The following UTRN variants were observed in gnomAD, a reference collection of about 807,000 sequenced individuals.
UTRN encodes dystrophin-related protein 1.
A neutral mutation model predicts 463.9 loss-of-function variants in UTRN; 283 were observed. The observed-to-expected ratio is 0.61, with a 90% CI of 0.55 to 0.67. UTRN has a LOEUF of 0.67. UTRN is among the 30% of genes least tolerant of loss of function. UTRN has a pLI of 0.00. For missense variants in UTRN, 3,922 were observed against 4,084.3 expected, an observed-to-expected ratio of 0.96 and a Z score of 1.08; for synonymous variants, 1,442 against 1,431.5, an observed-to-expected ratio of 1.01 and a Z score of -0.17.
intron 51 of UTRN, among the ~76,000 whole-genome samples, chr6:144,628,448 A>G (rs779717538): frequency 3.3e-5 from 5 of 152,102 alleles, no homozygotes; most frequent in Non-Finnish European, 7.4e-5. Flanking sequence ...TAAAACTTCC[A>G]CCAGAAACCA....
intron 2 of UTRN, among the ~76,000 whole-genome samples, chr6:144,385,463 A>G (rs1186502375): frequency 6.6e-6 from 1 of 152,248 alleles, no homozygotes; most frequent in Non-Finnish European, 1.5e-5. Context: ...AGCTTATTTC[A>G]GAAAAGCAAA....
At chr6:144,516,416 G>A (rs764487829) in intron 38 of UTRN, 29 bp downstream of exon 38, 1 of 1,590,428 alleles carries the variant, frequency 6.3e-7, no homozygotes, top group East Asian at 2.2e-5. Flanking sequence ...CAAAACCATG[G>A]TGGTCTCATT....
rs1792739431 is a variant in UTRN at position 144,488,833 on chromosome 6, A to C, written c.4133A>C (p.Gln1378Pro). Residue 1378 changes from glutamine (Q) to proline (P), a missense_variant and splice_region_variant, in exon 30 of 75, where the codon CAG becomes CCG. Gln to Pro is a moderately conservative substitution (Grantham distance 76). Coordinates refer to ENST00000367545, the MANE Select transcript of UTRN (RefSeq NM_007124.3). The part of the protein sequence containing the change: ...IDAFQVPQEA[Q>P]KIQAEISAHE... ...GCTTTCCAAGTTCCACAGGAAGCTC[A>C]GGTATTGCCGTGCATTTGAGGGCTT... 6.3e-7 allele frequency: 1 copy of C among 1,591,550 alleles called. No homozygotes were observed. Among genetic ancestry groups the C allele is most frequent in the Admixed American group, 1.7e-5 (1 of 58,410 alleles).
At chr6:144,785,967 T>C (rs1776258609) in intron 61 of UTRN, among the ~76,000 whole-genome samples, 1 of 152,220 alleles carries the variant, frequency 6.6e-6, no homozygotes, top group Non-Finnish European at 1.5e-5. Flanking sequence ...TGTGTTTTTT[T>C]CTACCAAAAA....
intron 51 of UTRN, among the ~76,000 whole-genome samples, chr6:144,636,977 G>A (rs923761604): frequency 6.6e-6 from 1 of 151,880 alleles, no homozygotes; most frequent in Non-Finnish European, 1.5e-5. Flanking sequence ...TTGTTTGTTT[G>A]TTTGTTTTTT....
intron 58 of UTRN, among the ~76,000 whole-genome samples, chr6:144,768,510 A>G (rs1294015092): frequency 6.6e-6 from 1 of 152,168 alleles, no homozygotes; most frequent in African/African-American, 2.4e-5. Flanking sequence ...CAAAAAGAGC[A>G]TGTTTCATTT....
intron 51 of UTRN, chr6:144,583,067 A>C (rs1802128097): frequency 6.3e-6 from 1 of 159,496 alleles, no homozygotes; most frequent in Non-Finnish European, 1.4e-5. Context: ...CAGGGCATGC[A>C]CCGTGGTGGT....
chr6:144,723,908 G>T (rs1787505639), intron 53 of UTRN, among the ~76,000 whole-genome samples: 1 of 150,468 alleles, frequency 6.6e-6, no homozygotes, highest in Non-Finnish European at 1.5e-5. Context: ...TACTTGGGAG[G>T]CTAAGGCGGC....
At chr6:144,459,832 T>G (rs1789234253) in intron 21 of UTRN, among the ~76,000 whole-genome samples, 1 of 151,978 alleles carries the variant, frequency 6.6e-6, no homozygotes, top group African/African-American at 2.4e-5. Flanking sequence ...TCAAGTGATC[T>G]TCCCACCTCA....
chr6:144,527,471 CCT>C (rs1485637501), intron 41 of UTRN, among the ~76,000 whole-genome samples: 1 of 152,188 alleles, frequency 6.6e-6, no homozygotes, highest in African/African-American at 2.4e-5. Flanking sequence ...TGACCATGTG[CCT>C]AGGCAATGAT....
intron 23 of UTRN, among the ~76,000 whole-genome samples, chr6:144,471,574 T>C (rs1411792793): frequency 6.6e-6 from 1 of 152,224 alleles, no homozygotes; most frequent in Non-Finnish European, 1.5e-5. Context: ...CTTCTGTCTT[T>C]TTTGGATGCC....
At position 144,286,060 on chromosome 6, in the gene UTRN, C is replaced by G. The variant is rs1803631067; in HGVS notation, c.-93+239C>G. 6.6e-6 allele frequency among the ~76,000 whole-genome samples: 1 copy of G among 152,192 alleles called. No homozygotes were observed. The highest frequency in any genetic ancestry group is 2.4e-5 in the African/African-American group (1 of 41,448). ...GAGAATGCCGGAGGCGTGGAGAGCT[C>G]GGGCGTGGAGGTCCTTGGGATCCGT... On this transcript the variant is annotated intron_variant, in intron 1 of 74. Coordinates refer to ENST00000367545, the MANE Select transcript of UTRN (RefSeq NM_007124.3). The surrounding 1 kb of genome is among the most constrained non-coding windows in gnomAD (Gnocchi z 4.4).
intron 32 of UTRN, 108 bp downstream of exon 32, chr6:144,491,210 T>G (rs1334180290): frequency 9.5e-7 from 1 of 1,051,502 alleles, no homozygotes; most frequent in East Asian, 2.6e-5. Context: ...GTCTACAGTG[T>G]GCTAAACATA....
chr6:144,708,184 G>A (rs1357497486), intron 53 of UTRN: 1 of 554,280 alleles, frequency 1.8e-6, no homozygotes, highest in Non-Finnish European at 3.4e-6. Flanking sequence ...TTGGATAGTA[G>A]CCAGTTATTT....
At chr6:144,725,922 A>C (rs937556146) in intron 53 of UTRN, among the ~76,000 whole-genome samples, 13 of 152,196 alleles carry the variant, frequency 8.5e-5, no homozygotes, top group Admixed American at 5.9e-4. Context: ...CTTACTTGGC[A>C]TGGTTCCCAC....
At chr6:144,619,846 A>G (rs1775159131) in intron 51 of UTRN, among the ~76,000 whole-genome samples, 1 of 152,166 alleles carries the variant, frequency 6.6e-6, no homozygotes, top group Admixed American at 6.5e-5. Context: ...TTTCTATTGC[A>G]GTTGAGTTAG....
At chr6:144,840,354 A>G (rs1781459190) in intron 72 of UTRN, among the ~76,000 whole-genome samples, 1 of 152,170 alleles carries the variant, frequency 6.6e-6, no homozygotes. Context: ...CTCCAAAAAG[A>G]AAGGAGGACA....
chr6:144,454,777 C>T (rs535679455), intron 19 of UTRN, among the ~76,000 whole-genome samples: 1 of 152,240 alleles, frequency 6.6e-6, no homozygotes, highest in African/African-American at 2.4e-5. Flanking sequence ...ACTCGTTCCT[C>T]AGCCTCTCAA....
At chr6:144,679,518 C>T (rs1433534966) in intron 52 of UTRN, among the ~76,000 whole-genome samples, 2 of 152,152 alleles carry the variant, frequency 1.3e-5, no homozygotes, top group African/African-American at 4.8e-5. Context: ...ACTCTCTGAT[C>T]TTGAACAAAC....
Sources: gnomAD v4.1 joint callset for allele counts (sites outside exome capture counted in the v4.1 genomes callset) on GRCh38, gnomAD v4.1.1 for gene constraint, Gnocchi (gnomAD v3.1) non-coding constraint, MANE v1.5 for transcripts, NCBI Gene and HGNC (gene_info 2026-07-23, HGNC 2026-07-21) for gene names.